The following FAM135B variants were observed in gnomAD, a reference collection of about 807,000 sequenced individuals.
FAM135B encodes the protein family with sequence similarity 135 member B, also known as protein FAM135B.
A neutral mutation model predicts 127.7 loss-of-function variants in FAM135B; 43 were observed. The observed-to-expected ratio is 0.34, with a 90% CI of 0.26 to 0.43. The LOEUF is 0.43. Ranked by LOEUF, FAM135B falls within the 20% of genes least tolerant of loss-of-function variation. The pLI, the probability that FAM135B is intolerant of heterozygous loss-of-function variation, is 1.00. For synonymous variants in FAM135B, 670 were observed against 665.1 expected (o/e 1.01, Z -0.11); for missense variants, 1,558 against 1,725.6 (o/e 0.90, Z 1.72).
At chr8:138,251,731 G>C (rs968653018) in intron 5 of FAM135B, among the ~76,000 whole-genome samples, 1 of 152,108 alleles carries the variant, frequency 6.6e-6, no homozygotes, top group African/African-American at 2.4e-5. Context: ...AAAGAACATT[G>C]GTTGTTGCCT....
chr8:138,325,766 C>A (rs976072517), intron 2 of FAM135B, among the ~76,000 whole-genome samples: 1 of 152,158 alleles, frequency 6.6e-6, no homozygotes, highest in Non-Finnish European at 1.5e-5. Flanking sequence ...ACAGCATTGG[C>A]AACAACCCTA....
chr8:138,398,106 G>T (rs1037749490), intron 1 of FAM135B, among the ~76,000 whole-genome samples: 1 of 152,144 alleles, frequency 6.6e-6, no homozygotes, highest in Admixed American at 6.5e-5. Context: ...ATCCTGGCTC[G>T]TCTGTTCAAA....
chr8:138,452,561 G>A (rs1436188148), intron 1 of FAM135B, among the ~76,000 whole-genome samples: 1 of 151,996 alleles, frequency 6.6e-6, no homozygotes, highest in Non-Finnish European at 1.5e-5. Context: ...ATCCTTCTGT[G>A]TCTTTTCCAC....
In FAM135B at chr8:138,487,884, A is replaced by T. The variant is rs539890471; in HGVS notation, c.-20+8787T>A. Among the ~76,000 whole-genome samples, 4 of 152,142 alleles carry T rather than the reference A, an allele frequency of 2.6e-5. No individual in the cohort carries two copies. The South Asian group carries it at 8.3e-4, about 32-fold the overall frequency. On this transcript the variant is annotated intron_variant, in intron 1 of 19. Transcript: ENST00000395297. ...CCAGGCGTGGTGGTGGGCACCTGGA[A>T]TCCCAGCTACTGGGGAGGCCGAGGC...
At chr8:138,246,188 T>C (rs1169136374) in intron 6 of FAM135B, among the ~76,000 whole-genome samples, 1 of 152,208 alleles carries the variant, frequency 6.6e-6, no homozygotes, top group African/African-American at 2.4e-5. Flanking sequence ...AAAATCCATT[T>C]TCTGGAAAGA....
chr8:138,480,528 G>C (rs374545555), intron 1 of FAM135B, among the ~76,000 whole-genome samples: 1 of 151,846 alleles, frequency 6.6e-6, no homozygotes, highest in African/African-American at 2.4e-5. Flanking sequence ...CACTCAAATA[G>C]GATTTTTTTA....
intron 9 of FAM135B, among the ~76,000 whole-genome samples, chr8:138,190,901 C>T (rs181637440): frequency 1.3e-5 from 2 of 152,286 alleles, no homozygotes; most frequent in East Asian, 1.9e-4. Flanking sequence ...AGTTGCCCCA[C>T]CTTTTTGGAC....
intron 13 of FAM135B, among the ~76,000 whole-genome samples, chr8:138,149,630 T>C (rs1290399840): frequency 6.6e-6 from 1 of 152,132 alleles, no homozygotes; most frequent in African/African-American, 2.4e-5. Flanking sequence ...TATTTCTTGT[T>C]ATTATCTGTT....
chr8:138,198,118 T>C (rs188235287), intron 7 of FAM135B, among the ~76,000 whole-genome samples: 41 of 152,226 alleles, frequency 2.7e-4, no homozygotes, highest in Admixed American at 1.1e-3. Context: ...TGGGAGGTAA[T>C]TGAATCACGG....
At chr8:138,254,484 G>T (rs912307324) in intron 5 of FAM135B, among the ~76,000 whole-genome samples, 1 of 152,196 alleles carries the variant, frequency 6.6e-6, no homozygotes, top group Non-Finnish European at 1.5e-5. Context: ...ATAGGGCGGG[G>T]TGGGTTAATG....
At chr8:138,221,350 A>T (rs949843886) in intron 7 of FAM135B, among the ~76,000 whole-genome samples, 2 of 152,036 alleles carry the variant, frequency 1.3e-5, no homozygotes, top group African/African-American at 4.8e-5. Context: ...CTGAGAACTC[A>T]CTCACTATAC....
chr8:138,468,590 C>T (rs1837502553), intron 1 of FAM135B, among the ~76,000 whole-genome samples: 1 of 152,180 alleles, frequency 6.6e-6, no homozygotes, highest in South Asian at 2.1e-4. Context: ...CACCTCATTT[C>T]TCCTGTATCT....
intron 1 of FAM135B, among the ~76,000 whole-genome samples, chr8:138,404,868 T>C (rs1405310819): frequency 6.6e-6 from 1 of 152,178 alleles, no homozygotes; most frequent in Non-Finnish European, 1.5e-5. Flanking sequence ...CTTAAAGTCA[T>C]CCATGAGGGT....
chr8:138,416,593 T>G (rs1122933), intron 1 of FAM135B, among the ~76,000 whole-genome samples: 13,293 of 152,140 alleles, frequency 0.087, 1,002 homozygotes, highest in East Asian at 0.26. Context: ...AATTAGTTAT[T>G]ATACACCAAT....
intron 12 of FAM135B, among the ~76,000 whole-genome samples, chr8:138,159,707 T>C (rs1819170636): frequency 6.6e-6 from 1 of 152,066 alleles, no homozygotes; most frequent in South Asian, 2.1e-4. Flanking sequence ...TATACATATG[T>C]AACAAACCTG....
chr8:138,183,432 G>T (rs888746755), intron 9 of FAM135B, among the ~76,000 whole-genome samples: 10 of 152,114 alleles, frequency 6.6e-5, no homozygotes, highest in Admixed American at 6.5e-5. Flanking sequence ...ATGCTGTGTA[G>T]ACCTGCATGC....
At chr8:138,303,051 G>A (rs1826000296) in intron 3 of FAM135B, among the ~76,000 whole-genome samples, 1 of 152,180 alleles carries the variant, frequency 6.6e-6, no homozygotes, top group African/African-American at 2.4e-5. Flanking sequence ...TCTAGAACCA[G>A]AAATACCATT....
chr8:138,355,287 C>T (rs966626976), intron 2 of FAM135B, among the ~76,000 whole-genome samples: 17 of 152,116 alleles, frequency 1.1e-4, no homozygotes, highest in African/African-American at 4.1e-4. Context: ...TACTGCGGCA[C>T]TACTCACAAC....
chr8:138,281,504 C>T (rs148256613), intron 3 of FAM135B, among the ~76,000 whole-genome samples: 1 of 151,880 alleles, frequency 6.6e-6, no homozygotes. Flanking sequence ...TAGTGTCCTA[C>T]ATGTTTCTAA....
Sources: allele counts gnomAD v4.1 joint callset (sites outside exome capture counted in the v4.1 genomes callset), GRCh38; gene constraint gnomAD v4.1.1; transcripts MANE v1.5; gene names NCBI Gene and HGNC (gene_info 2026-07-23, HGNC 2026-07-21).